HLA-DQA1: variants seen among roughly 807,000 people sequenced by gnomAD.
The protein encoded by HLA-DQA1 is HLA class II histocompatibility antigen, DQ alpha 1 chain.
In HLA-DQA1, 10 loss-of-function variants were observed where a neutral mutation model predicts 20.7. That is an observed-to-expected ratio of 0.48 (90% CI 0.30 to 0.82). The LOEUF is 0.82. HLA-DQA1 is among the 40% of genes least tolerant of loss of function. The probability of loss-of-function intolerance (pLI) is 0.07; values close to 1 mark genes in which losing one functional copy is unlikely to be tolerated. For missense variants in HLA-DQA1, 127 were observed against 293.0 expected, an observed-to-expected ratio of 0.43 and a Z score of 4.14; for synonymous variants, 39 against 109.2, an observed-to-expected ratio of 0.36 and a Z score of 4.01.
intron 1 of HLA-DQA1, among the ~76,000 whole-genome samples, chr6:32,640,168 T>A (rs9272619): frequency 3.3e-5 from 3 of 91,944 alleles, no homozygotes; most frequent in Admixed American, 1.3e-4. Flanking sequence ...GCAGATACTT[T>A]TGAAGGATGT....
At chr6:32,638,228 A>G (rs9272488) in intron 1 of HLA-DQA1, among the ~76,000 whole-genome samples, 20,625 of 84,012 alleles carry the variant, frequency 0.25, 4,378 homozygotes, top group East Asian at 0.29. Context: ...TCTATTACAG[A>G]TATAGCTTCA....
Position 32,642,371 on chromosome 6 carries a change from C to G in HLA-DQA1, c.613+118C>G, listed in dbSNP as rs1432560865. On this transcript the variant is annotated intron_variant, in intron 3 of 4. Coordinates refer to ENST00000343139, the MANE Select transcript of HLA-DQA1 (RefSeq NM_002122.5). ...CACACTTCATGGGTTTCTTTTCTGT[C>G]TCTCTTTTTTTTTTGAAAGAATAAA... The G allele has an allele frequency of 5.3e-6, 3 of 566,128 alleles. No individual in the cohort carries two copies. The South Asian group carries it at 6.3e-5, about 12-fold the overall frequency. 35.1% of individuals were successfully genotyped at this position (566,128 alleles called of 1,614,324 possible).
chr6:32,638,481 G>T (rs970053616), intron 1 of HLA-DQA1, among the ~76,000 whole-genome samples: 1 of 97,472 alleles, frequency 1.0e-5, no homozygotes, highest in Non-Finnish European at 2.3e-5. Context: ...AGACCAGCCT[G>T]GGCAACATAG....
Position 32,642,606 on chromosome 6 carries a change from A to G in HLA-DQA1, c.614-4A>G. 1.5e-6 allele frequency: 2 copies of G among 1,369,230 alleles called. No individual in the cohort carries two copies. Among genetic ancestry groups the G allele is most frequent in the Non-Finnish European group, 2.0e-6 (2 of 991,300 alleles). The allele number at this position is 1,369,230 out of a possible 1,614,324, so 84.8% of individuals were successfully genotyped here. On this transcript the variant is annotated splice_region_variant and splice_polypyrimidine_tract_variant and intron_variant, in intron 3 of 4. Transcript: ENST00000343139. ...TTCTGACCTCAACAACTTCACTTCC[A>G]CAGAGCCTGAGATTCCAGCCCCTAT...
At chr6:32,648,394 C>T (rs1782069603), downstream of HLA-DQA1, among the ~76,000 whole-genome samples, 1 of 96,218 alleles carries the variant, frequency 1.0e-5, no homozygotes. Flanking sequence ...AAAATACTGG[C>T]AAACCAAATC....
the HLA-DQA1 span, among the ~76,000 whole-genome samples, chr6:32,655,032 CA>C: frequency 0.33 from 14,162 of 42,970 alleles, 3,774 homozygotes; most frequent in Admixed American, 0.38. Context: ...GACTCTGTCC[CA>C]AAAAAAAAAA....
At chr6:32,638,111 C>T (rs1005860817) in intron 1 of HLA-DQA1, among the ~76,000 whole-genome samples, 3 of 131,850 alleles carry the variant, frequency 2.3e-5, no homozygotes, top group Middle Eastern at 4.1e-3. Context: ...TCCTCACTTA[C>T]TCTCAGCTGC....
At position 32,643,542 on chromosome 6, in the gene HLA-DQA1, A is replaced by G. The variant is rs1781654063; in HGVS notation, c.*611A>G. ...TGGATACCGTCTGCCCTTGGCCCAG[A>G]ATTGTTATAGCAAAAATTTTAGAAC... is the stretch of plus-strand genomic sequence containing the variant. On this transcript the variant is annotated 3_prime_UTR_variant, in exon 5 of 5. Transcript: ENST00000343139. 1 of 160,494 alleles carries G rather than the reference A, an allele frequency of 6.2e-6. No individual in the cohort carries two copies. Among genetic ancestry groups the G allele is most frequent in the Admixed American group, 6.3e-5 (1 of 15,786 alleles). 9.9% of individuals were successfully genotyped at this position (160,494 alleles called of 1,614,324 possible). A position where few individuals can be genotyped will look rare whatever the true frequency, so the allele number is the denominator to read the frequency against.
chr6:32,648,881 G>C (rs1279356158), downstream of HLA-DQA1, among the ~76,000 whole-genome samples: 7 of 96,708 alleles, frequency 7.2e-5, 3 homozygotes, highest in Non-Finnish European at 1.6e-4. Context: ...ATTTAGAAAA[G>C]CCCATCGTCT....
downstream of HLA-DQA1, among the ~76,000 whole-genome samples, chr6:32,647,531 C>T (rs17612541): frequency 0.32 from 25,316 of 78,430 alleles, 6,274 homozygotes; most frequent in Middle Eastern, 0.5. Context: ...AAGTTTTCTA[C>T]AATGCAAAGT....
downstream of HLA-DQA1, among the ~76,000 whole-genome samples, chr6:32,650,016 CCTCA>C (rs1782116876): frequency 1.0e-5 from 1 of 98,334 alleles, no homozygotes; most frequent in Non-Finnish European, 2.3e-5. Context: ...ATCAAAAAAC[CCTCA>C]TCAAAAGGTG....
chr6:32,655,166 T>TAC, the HLA-DQA1 span, among the ~76,000 whole-genome samples: 5,488 of 120,036 alleles, frequency 0.046, 245 homozygotes, highest in East Asian at 0.094. Context: ...ACCCTGTAAA[T>TAC]GCAGTTATTT....
At chr6:32,637,984 T>A (rs9272477) in intron 1 of HLA-DQA1, among the ~76,000 whole-genome samples, 1,467 of 100,490 alleles carry the variant, frequency 0.015, 15 homozygotes, top group Middle Eastern at 0.028. Flanking sequence ...ATTTAAAATG[T>A]TGCCCGTTTC....
the HLA-DQA1 span, among the ~76,000 whole-genome samples, chr6:32,654,894 A>C: frequency 5.3e-5 from 5 of 94,264 alleles, 2 homozygotes; most frequent in African/African-American, 1.8e-4. Context: ...TTATCTGGGC[A>C]TGGTAGTGCA....
chr6:32,641,507 C>T lies in HLA-DQA1; in HGVS notation c.280C>T (p.His94Tyr), dbSNP rs780496366. 4.9e-6 allele frequency: 5 copies of T among 1,014,690 alleles called. 1 individual carries two copies. The highest frequency in any genetic ancestry group is 2.1e-5 in the African/African-American group (1 of 47,892). The allele number at this position is 1,014,690 out of a possible 1,614,324, so 62.9% of individuals were successfully genotyped here. A position where few individuals can be genotyped will look rare whatever the true frequency, so the allele number is the denominator to read the frequency against. ...GALRNMAVAK[H>Y]NLNIMIKRYN... ...ACTGAGAAACATGGCTGTGGCAAAA[C>T]ACAACTTGAACATCATGATTAAACG... The change falls in exon 2 of 5, where the codon CAC becomes TAC. Residue 94 changes from histidine to tyrosine, a missense_variant. Physicochemically the swap from His to Tyr is moderately conservative, Grantham distance 83 (BLOSUM62 2). Around this residue, in one of 4 missense-constraint regions of HLA-DQA1, gnomAD observed 15 missense variants for 56.2 expected, o/e 0.27. Transcript: ENST00000343139.
At chr6:32,640,819 A>AG (rs1262934935) in intron 1 of HLA-DQA1, among the ~76,000 whole-genome samples, 1 of 95,142 alleles carries the variant, frequency 1.1e-5, no homozygotes, top group African/African-American at 3.7e-5. Flanking sequence ...CTTTAAAAAA[A>AG]AAAAAAAGAA....
the HLA-DQA1 span, among the ~76,000 whole-genome samples, chr6:32,654,390 T>A: frequency 0.39 from 35,679 of 90,786 alleles, 8,797 homozygotes; most frequent in Middle Eastern, 0.6. Context: ...AATAATGCAC[T>A]GTCATTTCTC....
rs959339163 is a variant in HLA-DQA1 at position 32,643,429 on chromosome 6, C to T, written c.*498C>T. The T allele has an allele frequency of 2.2e-5, 5 of 229,880 alleles. No individual in the cohort carries two copies. Among genetic ancestry groups the T allele is most frequent in the Non-Finnish European group, 4.4e-5 (5 of 113,080 alleles). 14.2% of individuals were successfully genotyped at this position (229,880 alleles called of 1,614,324 possible). A position where few individuals can be genotyped will look rare whatever the true frequency, so the allele number is the denominator to read the frequency against. On this transcript the variant is annotated 3_prime_UTR_variant, in exon 5 of 5. Coordinates refer to ENST00000343139, the MANE Select transcript of HLA-DQA1 (RefSeq NM_002122.5). The stretch of plus-strand genomic sequence containing the variant: ...GTATAGCCTGATAATATGTTGATTT[C>T]TTAGCTGACATTAATATTTCTTGCT...
At chr6:32,654,113 T>A in the HLA-DQA1 span, among the ~76,000 whole-genome samples, 1 of 77,378 alleles carries the variant, frequency 1.3e-5, no homozygotes. Flanking sequence ...CAAGACCAAC[T>A]GGACAGCATG....
Sources: allele counts gnomAD v4.1 joint callset (sites outside exome capture counted in the v4.1 genomes callset), GRCh38; gene constraint gnomAD v4.1.1; regional missense constraint gnomAD v4.1.1; transcripts MANE v1.5; gene names NCBI Gene and HGNC (gene_info 2026-07-23, HGNC 2026-07-21).